ACSF2: variants seen among roughly 807,000 people sequenced by gnomAD.
The protein encoded by ACSF2 is acyl-CoA synthetase family member 2.
A neutral mutation model predicts 79.3 loss-of-function variants in ACSF2; 52 were observed. The ratio of observed to expected loss-of-function variants is 0.66; its 90% CI spans 0.53 to 0.83. The LOEUF is 0.83. Ranked by LOEUF, ACSF2 falls within the 40% of genes least tolerant of loss-of-function variation. ACSF2 has a pLI of 0.00. For synonymous variants in ACSF2, 283 were observed against 312.6 expected (o/e 0.91, Z 1.00); for missense variants, 661 against 803.3 (o/e 0.82, Z 2.14).
chr17:50,429,280 G>A (rs932121184), intron 1 of ACSF2, among the ~76,000 whole-genome samples: 1 of 152,142 alleles, frequency 6.6e-6, no homozygotes, highest in African/African-American at 2.4e-5. Context: ...CTTGTTCTCA[G>A]CCTTTCCTTT....
intron 1 of ACSF2, among the ~76,000 whole-genome samples, chr17:50,458,667 C>T (rs954755460): frequency 6.6e-6 from 1 of 152,202 alleles, no homozygotes; most frequent in Non-Finnish European, 1.5e-5. Context: ...CTGTATTTGG[C>T]TTTGTTCATT....
Position 50,474,493 on chromosome 17 carries a change from T to C in ACSF2, c.1798-9T>C. 6.2e-7 allele frequency: 1 copy of C among 1,613,984 alleles called. No individual in the cohort carries two copies. The highest frequency in any genetic ancestry group is 8.5e-7 in the Non-Finnish European group (1 of 1,179,850). ...GCTGGTAACCCTAACTCCATTTTCT[T>C]TCCTCTAGATCCAGAAATTCAAACT... On this transcript the variant is annotated splice_polypyrimidine_tract_variant and intron_variant, in intron 15 of 15. Transcript: ENST00000300441. The surrounding 1 kb of genome is among the most constrained non-coding windows in gnomAD (Gnocchi z 4.2).
At chr17:50,468,453 C>T (rs1234864211) in intron 10 of ACSF2, 1 of 1,614,234 alleles carries the variant, frequency 6.2e-7, no homozygotes, top group South Asian at 1.1e-5. Flanking sequence ...TCGGTCAGGT[C>T]GTCGAAGGCA....
intron 4 of ACSF2, 125 bp from the exon 5 acceptor site, chr17:50,462,059 G>A: frequency 1.3e-6 from 1 of 760,074 alleles, no homozygotes; most frequent in Non-Finnish European, 2.2e-6. Context: ...GCCTGTGAGT[G>A]TGCTGGAGGT....
At chr17:50,434,310 G>A (rs919914611) in intron 1 of ACSF2, among the ~76,000 whole-genome samples, 8 of 151,878 alleles carry the variant, frequency 5.3e-5, no homozygotes, top group African/African-American at 1.7e-4. Context: ...CAGGGTGAGA[G>A]CATGTCTCAA....
rs542271842 is a variant in ACSF2, at chr17:50,439,233, T to A, written c.128+12844T>A. ...CGACAGGTGCATGCTACCACACAGC[T>A]TTTTTTTTTTTTTTTTTTTTTTTTT... On this transcript the variant is annotated intron_variant, in intron 1 of 15. Transcript: ENST00000300441. Among the ~76,000 whole-genome samples, 216 of 111,460 alleles carry A rather than the reference T, an allele frequency of 1.9e-3. 1 individual carries two copies. The highest frequency in any genetic ancestry group is 6.8e-3 in the African/African-American group (168 of 24,766). 73.1% of individuals were successfully genotyped at this position (111,460 alleles called of 152,430 possible). A position where few individuals can be genotyped will look rare whatever the true frequency, so the allele number is the denominator to read the frequency against.
intron 1 of ACSF2, chr17:50,427,120 C>T (rs1915064532): frequency 1.2e-6 from 1 of 848,198 alleles, no homozygotes; most frequent in Non-Finnish European, 1.8e-6. Flanking sequence ...CACTGGGGAG[C>T]CCTGTGCACT....
intron 10 of ACSF2, chr17:50,465,274 C>T: frequency 6.2e-7 from 1 of 1,613,760 alleles, no homozygotes; most frequent in Non-Finnish European, 8.5e-7. Context: ...ACATAGGGGA[C>T]CTGTTTACCT....
intron 1 of ACSF2, among the ~76,000 whole-genome samples, chr17:50,441,005 A>G (rs779361361): frequency 5.9e-4 from 90 of 152,354 alleles, no homozygotes; most frequent in Non-Finnish European, 1.1e-3. Flanking sequence ...GGGGCTCCCC[A>G]TGGACTGGAG....
chr17:50,444,266 C>T (rs1390512590), intron 1 of ACSF2, among the ~76,000 whole-genome samples: 2 of 151,958 alleles, frequency 1.3e-5, no homozygotes, highest in Admixed American at 6.6e-5. Context: ...GAAATATCAG[C>T]CACTGGCTGG....
intron 3 of ACSF2, 95 bp from the exon 4 acceptor site, chr17:50,461,538 G>A: frequency 1.3e-6 from 2 of 1,596,848 alleles, no homozygotes; most frequent in Non-Finnish European, 8.6e-7. Context: ...TTAGGGGGCT[G>A]TAGAGTGCTG....
chr17:50,468,007 G>A (rs748805389), intron 10 of ACSF2: 2 of 1,529,920 alleles, frequency 1.3e-6, no homozygotes, highest in Admixed American at 4.1e-5. Flanking sequence ...AGGGAAGAAG[G>A]AACCAGGGCA....
intron 1 of ACSF2, among the ~76,000 whole-genome samples, chr17:50,446,063 C>G (rs189257937): frequency 6.6e-6 from 1 of 152,342 alleles, no homozygotes; most frequent in Non-Finnish European, 1.5e-5. Flanking sequence ...TGAGTAATTT[C>G]TAAGACAGAG....
rs768140243 is a variant in ACSF2, at chr17:50,473,970, C to T, written c.1694C>T (p.Thr565Met). 3.9e-6 allele frequency: 6 copies of T among 1,529,940 alleles called. No homozygotes were observed. The highest frequency in any genetic ancestry group is 2.3e-5 in the East Asian group (1 of 42,616). 94.8% of individuals were successfully genotyped at this position (1,529,940 alleles called of 1,614,324 possible). ...CIRLKDGEETTVEEIKAFCKG... is the reference protein window; with the variant it reads ...CIRLKDGEETMVEEIKAFCKG... ...CGGCTGAAGGACGGGGAGGAGACCA[C>T]GGTGGAGGAGATAAAAGCTTTCTGC... Residue 565 changes from threonine (T) to methionine (M), a missense_variant, in exon 14 of 16, where the codon ACG becomes ATG. By Grantham distance (81) the Thr-to-Met change is moderately conservative. Coordinates refer to ENST00000300441, the MANE Select transcript of ACSF2 (RefSeq NM_025149.6).
chr17:50,428,777 A>T (rs1473639986), intron 1 of ACSF2, among the ~76,000 whole-genome samples: 1 of 152,200 alleles, frequency 6.6e-6, no homozygotes, highest in Non-Finnish European at 1.5e-5. Flanking sequence ...GAAAGACTTC[A>T]TCTCAAAAAA....
At position 50,439,232 on chromosome 17, in the gene ACSF2, C is replaced by CTT. The variant is rs754203020; in HGVS notation, c.128+12869_128+12870dup. 1.2e-3 allele frequency among the ~76,000 whole-genome samples: 114 copies of CTT among 96,460 alleles called. 13 individuals are homozygous for CTT. Among genetic ancestry groups the CTT allele is most frequent in the African/African-American group, 3.9e-3 (84 of 21,326 alleles). The allele number at this position is 96,460 out of a possible 152,430, so 63.3% of individuals were successfully genotyped here. A position where few individuals can be genotyped will look rare whatever the true frequency, so the allele number is the denominator to read the frequency against. ...ACGACAGGTGCATGCTACCACACAGCTTTTTTTTTTTTTTTTTTTTTTTTT... is the reference window on the plus strand; with the variant it reads ...ACGACAGGTGCATGCTACCACACAGCTTTTTTTTTTTTTTTTTTTTTTTTTTT... On this transcript the variant is annotated intron_variant, in intron 1 of 15. Coordinates refer to ENST00000300441, the MANE Select transcript of ACSF2 (RefSeq NM_025149.6).
intron 1 of ACSF2, among the ~76,000 whole-genome samples, chr17:50,436,045 GATTC>G (rs2030381632): frequency 6.6e-6 from 1 of 151,992 alleles, no homozygotes; most frequent in South Asian, 2.1e-4. Flanking sequence ...ACTTAAGTCT[GATTC>G]ATTTTATTTT....
In ACSF2 at chr17:50,460,665, C is replaced by G; in HGVS notation, c.129-12C>G. ...TCTGGGACAGTCAAACCCATAGCTC[C>G]TCTCCCTACAGTTCCAGAGAGGTGG... On this transcript the variant is annotated splice_polypyrimidine_tract_variant and intron_variant, in intron 1 of 15. Transcript: ENST00000300441. The G allele has an allele frequency of 6.2e-7, 1 of 1,605,542 alleles. No homozygotes were observed. Among genetic ancestry groups the G allele is most frequent in the Non-Finnish European group, 8.5e-7 (1 of 1,175,084 alleles).
chr17:50,433,348 G>A (rs900065385), intron 1 of ACSF2, among the ~76,000 whole-genome samples: 3 of 152,052 alleles, frequency 2.0e-5, no homozygotes, highest in African/African-American at 4.8e-5. Context: ...CTCGTGATCC[G>A]CCTGCCTTGG....
Sources: gnomAD v4.1 joint callset for allele counts (sites outside exome capture counted in the v4.1 genomes callset) on GRCh38, gnomAD v4.1.1 for gene constraint, Gnocchi (gnomAD v3.1) non-coding constraint, MANE v1.5 for transcripts, NCBI Gene and HGNC (gene_info 2026-07-23, HGNC 2026-07-21) for gene names.